The following FRMPD2 variants were observed in gnomAD, a reference collection of about 807,000 sequenced individuals.
FRMPD2 encodes the protein FERM and PDZ domain containing 2, also known as FERM and PDZ domain-containing protein 2.
A neutral mutation model predicts 140.1 loss-of-function variants in FRMPD2; 96 were observed. The ratio of observed to expected loss-of-function variants is 0.69; its 90% CI spans 0.58 to 0.81. The LOEUF (loss-of-function observed/expected upper bound fraction) is 0.81, where lower values mean the gene tolerates loss of function less well. Ranked by LOEUF, FRMPD2 falls within the 40% of genes least tolerant of loss-of-function variation. FRMPD2 has a pLI of 0.00. For missense variants in FRMPD2, 1,240 were observed against 1,447.4 expected (o/e 0.86, Z 2.32); for synonymous variants, 449 against 547.6 (o/e 0.82, Z 2.52).
At chr10:48,211,833 C>A in intron 13 of FRMPD2, 121 bp downstream of exon 13, 2 of 876,216 alleles carry the variant, frequency 2.3e-6, no homozygotes, top group South Asian at 2.4e-5. Flanking sequence ...AGAGTTCCAC[C>A]CTTGCTCATG....
At position 48,222,298 on chromosome 10, in the gene FRMPD2, G is replaced by A; in HGVS notation, c.1455+15C>T. The A allele has an allele frequency of 2.5e-6, 4 of 1,611,386 alleles. No homozygotes were observed. Among genetic ancestry groups the A allele is most frequent in the Non-Finnish European group, 3.4e-6 (4 of 1,179,024 alleles). ...CCAGTGACCCCACACAAAGGCCCCT[G>A]GTGTTCACCCCTACCTCCTTAGGGT... is the stretch of plus-strand genomic sequence containing the variant. On this transcript the variant is annotated intron_variant, in intron 12 of 28. Coordinates refer to ENST00000374201, the MANE Select transcript of FRMPD2 (RefSeq NM_001018071.4).
chr10:48,214,967 C>T (rs1839412023), intron 12 of FRMPD2, among the ~76,000 whole-genome samples: 1 of 152,164 alleles, frequency 6.6e-6, no homozygotes, highest in South Asian at 2.1e-4. Context: ...TGTGTAAAAA[C>T]CCCCGCATGT....
chr10:48,223,372 TG>T, intron 10 of FRMPD2, 102 bp from the exon 11 acceptor site: 1 of 1,214,358 alleles, frequency 8.2e-7, no homozygotes, highest in Non-Finnish European at 1.1e-6. Flanking sequence ...ACACACGAGC[TG>T]GGTGAGTGCA....
At chr10:48,207,531 G>A (rs1230011564) in intron 13 of FRMPD2, among the ~76,000 whole-genome samples, 1 of 152,150 alleles carries the variant, frequency 6.6e-6, no homozygotes, top group African/African-American at 2.4e-5. Context: ...CCAGGTTAGG[G>A]GAATAAATTT....
At chr10:48,266,141 C>G (rs535986475) in intron 1 of FRMPD2, among the ~76,000 whole-genome samples, 3 of 152,218 alleles carry the variant, frequency 2.0e-5, no homozygotes, top group Admixed American at 2.0e-4. Flanking sequence ...TGCATGTTCT[C>G]ACTTATAAAT....
In FRMPD2 at chr10:48,180,508, A is replaced by G. The variant is rs563476235; in HGVS notation, c.2790+295T>C. On this transcript the variant is annotated intron_variant, in intron 21 of 28. Coordinates refer to ENST00000374201, the MANE Select transcript of FRMPD2 (RefSeq NM_001018071.4). ...CAGCAATCAATTTCCTCATGGTGCTATTATCACAACAATTATAATTAGTGA... is the reference window on the plus strand; with the variant it reads ...CAGCAATCAATTTCCTCATGGTGCTGTTATCACAACAATTATAATTAGTGA... 1.2e-4 allele frequency among the ~76,000 whole-genome samples: 19 copies of G among 152,164 alleles called. No homozygotes were observed. The East Asian group carries it at 3.5e-3, about 28-fold the overall frequency.
chr10:48,194,486 CGG>C (rs2131851242), intron 15 of FRMPD2, among the ~76,000 whole-genome samples: 1 of 152,232 alleles, frequency 6.6e-6, no homozygotes, highest in East Asian at 1.9e-4. Context: ...TACCCACAGG[CGG>C]ATATTCTAGG....
intron 13 of FRMPD2, among the ~76,000 whole-genome samples, chr10:48,207,155 T>TG (rs60100811): frequency 6.6e-6 from 1 of 151,722 alleles, no homozygotes; most frequent in Non-Finnish European, 1.5e-5. Flanking sequence ...TTTTTTTTTT[T>TG]GTAACCCAAG....
At chr10:48,262,552 T>A (rs1021398424) in intron 1 of FRMPD2, among the ~76,000 whole-genome samples, 1 of 152,122 alleles carries the variant, frequency 6.6e-6, no homozygotes, top group African/African-American at 2.4e-5. Flanking sequence ...CCTGGAGACT[T>A]CAGCACCCCT....
chr10:48,213,719 G>C (rs956369250), intron 12 of FRMPD2, among the ~76,000 whole-genome samples: 3 of 152,150 alleles, frequency 2.0e-5, no homozygotes, highest in African/African-American at 7.2e-5. Context: ...GAAAGAAGTA[G>C]GTCTGTAAAG....
At chr10:48,215,296 C>A (rs946678357) in intron 12 of FRMPD2, among the ~76,000 whole-genome samples, 39 of 152,188 alleles carry the variant, frequency 2.6e-4, no homozygotes, top group Non-Finnish European at 4.3e-4. Flanking sequence ...GCGGACAGGC[C>A]AGACTTCTCC....
intron 25 of FRMPD2, among the ~76,000 whole-genome samples, chr10:48,171,724 A>C (rs1838263164): frequency 6.6e-6 from 1 of 152,142 alleles, no homozygotes; most frequent in South Asian, 2.1e-4. Context: ...ACCATATTGA[A>C]TAGCACAATT....
At chr10:48,269,467 A>C (rs1369293259) in intron 1 of FRMPD2, among the ~76,000 whole-genome samples, 1 of 152,148 alleles carries the variant, frequency 6.6e-6, no homozygotes, top group East Asian at 1.9e-4. Context: ...CGTCACTGAA[A>C]TGCAGCCTTC....
chr10:48,267,736 C>A (rs1840702707), intron 1 of FRMPD2, among the ~76,000 whole-genome samples: 1 of 152,168 alleles, frequency 6.6e-6, no homozygotes, highest in Non-Finnish European at 1.5e-5. Flanking sequence ...AAAGTGGAAA[C>A]AACTCAGTGT....
At position 48,199,435 on chromosome 10, in the gene FRMPD2, G is replaced by A. The variant is rs574124181; in HGVS notation, c.1954+1793C>T. Among the ~76,000 whole-genome samples, 10 of 152,308 alleles carry A rather than the reference G, an allele frequency of 6.6e-5. No homozygotes were observed. In the South Asian group the frequency reaches 1.5e-3, roughly 22 times the overall value. On this transcript the variant is annotated intron_variant, in intron 15 of 28. Transcript: ENST00000374201. ...AATGTGATGAGTTACATTTCTCACTGTAATTGCTAAGCAGCAGCAAATAGC... is the reference window on the plus strand; with the variant it reads ...AATGTGATGAGTTACATTTCTCACTATAATTGCTAAGCAGCAGCAAATAGC...
intron 13 of FRMPD2, among the ~76,000 whole-genome samples, chr10:48,208,558 T>G (rs1422536760): frequency 6.6e-6 from 1 of 152,228 alleles, no homozygotes; most frequent in Non-Finnish European, 1.5e-5. Flanking sequence ...GCCTGTTTGC[T>G]CCTGAGTCTT....
At chr10:48,232,316 A>G in intron 9 of FRMPD2, 27 bp from the exon 10 acceptor site, 1 of 1,549,906 alleles carries the variant, frequency 6.5e-7, no homozygotes, top group Non-Finnish European at 8.8e-7. Context: ...TATCAATTAT[A>G]CTACAATTAT....
In FRMPD2 at chr10:48,185,543, G is replaced by C; in HGVS notation, c.2359+10C>G. ...AGAGACTGGGCCTCACCTACAGGGA[G>C]CCCTCTTACCAAAACCACGATGTGG... is the stretch of plus-strand genomic sequence containing the variant. On this transcript the variant is annotated intron_variant, in intron 18 of 28. Coordinates refer to ENST00000374201, the MANE Select transcript of FRMPD2 (RefSeq NM_001018071.4). 1 of 1,605,230 alleles carries C rather than the reference G, an allele frequency of 6.2e-7. No individual in the cohort carries two copies. The highest frequency in any genetic ancestry group is 8.5e-7 in the Non-Finnish European group (1 of 1,171,864).
intron 25 of FRMPD2, among the ~76,000 whole-genome samples, chr10:48,171,947 T>A (rs1320457655): frequency 7.1e-6 from 1 of 140,556 alleles, no homozygotes; most frequent in Non-Finnish European, 1.6e-5. Context: ...TGCCATTTTG[T>A]TTACCCATGT....
Sources: gnomAD v4.1 joint callset for allele counts (sites outside exome capture counted in the v4.1 genomes callset) on GRCh38, gnomAD v4.1.1 for gene constraint, MANE v1.5 for transcripts, NCBI Gene and HGNC (gene_info 2026-07-23, HGNC 2026-07-21) for gene names.